Variants in ERN1 observed in about 807,000 individuals in gnomAD.
ERN1 encodes the protein serine/threonine-protein kinase/endoribonuclease IRE1.
A neutral mutation model predicts 113.1 loss-of-function variants in ERN1; 39 were observed. That is an observed-to-expected ratio of 0.34 (90% confidence interval 0.27 to 0.45). The LOEUF is 0.45. Ranked by LOEUF, ERN1 falls within the 20% of genes least tolerant of loss-of-function variation. The pLI is 1.00. For missense variants in ERN1, 976 were observed against 1,274.8 expected, an observed-to-expected ratio of 0.77 and a Z score of 3.57; for synonymous variants, 507 against 515.9, an observed-to-expected ratio of 0.98 and a Z score of 0.23.
intron 10 of ERN1, among the ~76,000 whole-genome samples, chr17:64,061,946 C>T (rs1030409446): frequency 2.6e-5 from 4 of 152,214 alleles, no homozygotes; most frequent in Non-Finnish European, 4.4e-5. Context: ...AGCCTGAATC[C>T]CCCTAGTTCT....
chr17:64,088,383 C>A (rs1410395198), intron 2 of ERN1, among the ~76,000 whole-genome samples: 4 of 152,176 alleles, frequency 2.6e-5, no homozygotes, highest in African/African-American at 9.7e-5. Context: ...CCAAACCAGT[C>A]CCTTCTAAGT....
intron 6 of ERN1, among the ~76,000 whole-genome samples, chr17:64,068,731 G>A (rs1913317929): frequency 6.6e-6 from 1 of 152,206 alleles, no homozygotes; most frequent in Non-Finnish European, 1.5e-5. Context: ...AAAAAGGTTG[G>A]TGGAGACTTG....
In ERN1 at chr17:64,071,009, G is replaced by C. The variant is rs555279527; in HGVS notation, c.478+972C>G. Among the ~76,000 whole-genome samples the C allele has an allele frequency of 5.3e-5, 8 of 152,358 alleles. 1 individual carries two copies. The East Asian group carries it at 1.5e-3, about 29-fold the overall frequency. ...GTACCCTCAGGGAACTGATATTCTA[G>C]TGAGGGAGGCAGGAAGTAGGCACAT... On this transcript the variant is annotated intron_variant, in intron 6 of 21. Coordinates refer to ENST00000433197, the MANE Select transcript of ERN1 (RefSeq NM_001433.5).
At position 64,049,760 on chromosome 17, in the gene ERN1, C is replaced by G. The variant is rs1912625749; in HGVS notation, c.2254-558G>C. Among the ~76,000 whole-genome samples the G allele has an allele frequency of 1.3e-5, 2 of 152,162 alleles. No individual in the cohort carries two copies. The highest frequency in any genetic ancestry group is 1.5e-5 in the Non-Finnish European group (1 of 68,028). On this transcript the variant is annotated intron_variant, in intron 17 of 21. Coordinates refer to ENST00000433197, the MANE Select transcript of ERN1 (RefSeq NM_001433.5). The surrounding 1 kb of genome is among the most constrained non-coding windows in gnomAD (Gnocchi z 4.7). ...CAAGGAGGTCATGTTTGATGTTAATCCGAGAAAGCCTCTCACTTATCCCAT... is the reference window on the plus strand; with the variant it reads ...CAAGGAGGTCATGTTTGATGTTAATGCGAGAAAGCCTCTCACTTATCCCAT...
At chr17:64,061,786 ACAAGAGAC>A (rs1913062549) in intron 10 of ERN1, among the ~76,000 whole-genome samples, 1 of 152,194 alleles carries the variant, frequency 6.6e-6, no homozygotes, top group South Asian at 2.1e-4. Context: ...AGGCTCACTA[ACAAGAGAC>A]CTACGGTCTA....
At chr17:64,123,209 C>T (rs772225557) in intron 1 of ERN1, among the ~76,000 whole-genome samples, 4 of 152,024 alleles carry the variant, frequency 2.6e-5, no homozygotes, top group Non-Finnish European at 4.4e-5. Flanking sequence ...GCCTCACAAC[C>T]GACCATACAA....
chr17:64,114,179 T>G (rs1488271719), intron 1 of ERN1, among the ~76,000 whole-genome samples: 1 of 152,128 alleles, frequency 6.6e-6, no homozygotes, highest in Non-Finnish European at 1.5e-5. Flanking sequence ...GTTACTATTA[T>G]TCATTAAGAA....
Position 64,111,416 on chromosome 17 carries a change from C to T in ERN1, c.55-13175G>A, listed in dbSNP as rs140723449. Among the ~76,000 whole-genome samples, 62 of 151,352 alleles carry T rather than the reference C, an allele frequency of 4.1e-4. 2 individuals carry two copies. In the East Asian group the frequency reaches 9.7e-3, roughly 24 times the overall value. ...TGTTGTCTAAGCTGGAGTGCAATGGCGCAATCTCGGCTCACGGCAACCTCC... is the reference window on the plus strand; with the variant it reads ...TGTTGTCTAAGCTGGAGTGCAATGGTGCAATCTCGGCTCACGGCAACCTCC... On this transcript the variant is annotated intron_variant, in intron 1 of 21. Transcript: ENST00000433197.
At chr17:64,080,743 A>G (rs1343533878) in intron 3 of ERN1, 32 bp downstream of exon 3, 4 of 1,600,750 alleles carry the variant, frequency 2.5e-6, no homozygotes, top group Admixed American at 3.4e-5. Flanking sequence ...GACTGAATTA[A>G]AGGGAAGTAC....
chr17:64,123,889 A>C (rs1282666544), intron 1 of ERN1, among the ~76,000 whole-genome samples: 1 of 152,254 alleles, frequency 6.6e-6, no homozygotes, highest in Non-Finnish European at 1.5e-5. Context: ...ATTAAGAATA[A>C]TGTTGCAGAA....
chr17:64,112,587 C>A (rs1476822728), intron 1 of ERN1, among the ~76,000 whole-genome samples: 2 of 152,156 alleles, frequency 1.3e-5, no homozygotes, highest in Admixed American at 6.5e-5. Flanking sequence ...TGGAGCCAGA[C>A]CACCTCAGGC....
chr17:64,093,424 G>C (rs1042405238), intron 2 of ERN1, among the ~76,000 whole-genome samples: 3 of 152,172 alleles, frequency 2.0e-5, no homozygotes, highest in Non-Finnish European at 2.9e-5. Flanking sequence ...TGTTGATCTT[G>C]TAAAGTGGAG....
intron 13 of ERN1, among the ~76,000 whole-genome samples, chr17:64,055,435 C>T (rs1199811797): frequency 6.6e-6 from 1 of 152,200 alleles, no homozygotes; most frequent in East Asian, 1.9e-4. Flanking sequence ...AGCCGCGACG[C>T]CCAGCCCTTG....
At chr17:64,045,791 G>A (rs1440004526) in intron 19 of ERN1, among the ~76,000 whole-genome samples, 1 of 152,212 alleles carries the variant, frequency 6.6e-6, no homozygotes, top group Non-Finnish European at 1.5e-5. Flanking sequence ...GGAGCCGCAA[G>A]TGCAATCTAT....
chr17:64,127,772 A>AAAG (rs1358292987), intron 1 of ERN1, among the ~76,000 whole-genome samples: 1 of 151,410 alleles, frequency 6.6e-6, no homozygotes, highest in Non-Finnish European at 1.5e-5. Flanking sequence ...AAAAAAAAAA[A>AAAG]AAGAAGTAGT....
intron 1 of ERN1, among the ~76,000 whole-genome samples, chr17:64,103,230 T>C (rs1043632210): frequency 7.2e-5 from 11 of 152,146 alleles, no homozygotes; most frequent in Non-Finnish European, 1.6e-4. Flanking sequence ...ACGTGGTGAC[T>C]CACACCTGTA....
At chr17:64,086,734 C>T (rs1388088115) in intron 2 of ERN1, among the ~76,000 whole-genome samples, 1 of 144,364 alleles carries the variant, frequency 6.9e-6, no homozygotes, top group Non-Finnish European at 1.5e-5. Flanking sequence ...GCAACCTCCA[C>T]CTCCTGAGTT....
In ERN1 at chr17:64,039,751, C is replaced by T. The variant is rs1912280220; in HGVS notation, c.*4237G>A. 1 of 152,144 alleles carries T rather than the reference C, an allele frequency of 6.6e-6. No homozygotes were observed. The highest frequency in any genetic ancestry group is 2.4e-5 in the African/African-American group (1 of 41,416). The allele number at this position is 152,144 out of a possible 1,614,324, so 9.4% of individuals were successfully genotyped here. A position where few individuals can be genotyped will look rare whatever the true frequency, so the allele number is the denominator to read the frequency against. On this transcript the variant is annotated 3_prime_UTR_variant, in exon 22 of 22. Transcript: ENST00000433197. The stretch of plus-strand genomic sequence containing the variant: ...GCTTTCTAGGTAAGTGGGGACTCCC[C>T]ATCACAGCTTTAGGGACACTGAAAA...
chr17:64,051,509 C>CCT (rs1354306699), intron 17 of ERN1, among the ~76,000 whole-genome samples: 1 of 152,172 alleles, frequency 6.6e-6, no homozygotes, highest in African/African-American at 2.4e-5. Flanking sequence ...TTAACTTGAA[C>CCT]CTAATCAAGC....
Sources: gnomAD v4.1 joint callset for allele counts (sites outside exome capture counted in the v4.1 genomes callset) on GRCh38, gnomAD v4.1.1 for gene constraint, Gnocchi (gnomAD v3.1) non-coding constraint, MANE v1.5 for transcripts, NCBI Gene and HGNC (gene_info 2026-07-23, HGNC 2026-07-21) for gene names.